Variants in PCDH9 observed in about 807,000 individuals in gnomAD.
PCDH9 encodes protocadherin-9.
A neutral mutation model predicts 70.6 loss-of-function variants in PCDH9; 24 were observed. The observed-to-expected ratio is 0.34, with a 90% confidence interval of 0.25 to 0.48. The LOEUF is 0.48. Among genes scored for constraint, PCDH9 ranks in the 20% least tolerant of loss-of-function variants. The pLI, the probability that PCDH9 is intolerant of heterozygous loss-of-function variation, is 0.99. For synonymous variants in PCDH9, 562 were observed against 558.5 expected (o/e 1.01, Z -0.09); for missense variants, 1,281 against 1,503.6 (o/e 0.85, Z 2.45).
intron 4 of PCDH9, among the ~76,000 whole-genome samples, chr13:66,414,207 T>G (rs1459528774): frequency 1.3e-5 from 2 of 152,242 alleles, no homozygotes; most frequent in African/African-American, 4.8e-5. Context: ...TTGATCAACT[T>G]GCTTTCATGT....
intron 4 of PCDH9, among the ~76,000 whole-genome samples, chr13:66,601,701 C>A (rs905661645): frequency 2.1e-5 from 3 of 145,932 alleles, no homozygotes; most frequent in African/African-American, 7.4e-5. Context: ...TCATGCACTG[C>A]AGAAGACACT....
At chr13:67,094,513 A>G (rs2086281472) in intron 2 of PCDH9, among the ~76,000 whole-genome samples, 1 of 152,180 alleles carries the variant, frequency 6.6e-6, no homozygotes, top group South Asian at 2.1e-4. Flanking sequence ...AGAAACACGT[A>G]TTTGCATCTT....
intron 3 of PCDH9, among the ~76,000 whole-genome samples, chr13:66,683,672 T>C (rs562668810): frequency 6.6e-6 from 1 of 152,162 alleles, no homozygotes; most frequent in African/African-American, 2.4e-5. Context: ...AAATATAGGG[T>C]TTTGTGTGAG....
chr13:66,922,148 T>C (rs1303617903), intron 2 of PCDH9, among the ~76,000 whole-genome samples: 1 of 151,312 alleles, frequency 6.6e-6, no homozygotes, highest in Non-Finnish European at 1.5e-5. Context: ...TAACTGAAAC[T>C]AGTAGTCAAT....
At chr13:66,519,650 C>A (rs1959898720) in intron 4 of PCDH9, among the ~76,000 whole-genome samples, 2 of 152,244 alleles carry the variant, frequency 1.3e-5, no homozygotes, top group South Asian at 4.2e-4. Flanking sequence ...GAGAAACAGA[C>A]AACACACATG....
chr13:67,084,679 A>G (rs1024794781), intron 2 of PCDH9, among the ~76,000 whole-genome samples: 4 of 151,776 alleles, frequency 2.6e-5, no homozygotes, highest in Non-Finnish European at 5.9e-5. Flanking sequence ...GTTCAATAAC[A>G]TATGTTGCCG....
chr13:66,931,793 A>C (rs1439781293), intron 2 of PCDH9, among the ~76,000 whole-genome samples: 4 of 152,120 alleles, frequency 2.6e-5, no homozygotes, highest in African/African-American at 9.7e-5. Context: ...TAATCATTTC[A>C]ATGCTTGTGA....
At chr13:66,509,057 G>T (rs1959334154) in intron 4 of PCDH9, among the ~76,000 whole-genome samples, 1 of 152,100 alleles carries the variant, frequency 6.6e-6, no homozygotes, top group African/African-American at 2.4e-5. Context: ...TACAATATTA[G>T]GTTGTATGTT....
intron 4 of PCDH9, among the ~76,000 whole-genome samples, chr13:66,615,385 G>A (rs2077343000): frequency 6.6e-6 from 1 of 152,098 alleles, no homozygotes; most frequent in African/African-American, 2.4e-5. Flanking sequence ...TGATGTCTGA[G>A]TATATGCTAT....
chr13:66,704,916 C>A (rs1388235496), intron 3 of PCDH9, among the ~76,000 whole-genome samples: 3 of 152,070 alleles, frequency 2.0e-5, no homozygotes, highest in Non-Finnish European at 4.4e-5. Context: ...AAACATATTT[C>A]TAATGCTAAA....
intron 2 of PCDH9, among the ~76,000 whole-genome samples, chr13:67,093,505 C>T (rs1424714678): frequency 6.6e-6 from 1 of 151,930 alleles, no homozygotes; most frequent in Non-Finnish European, 1.5e-5. Context: ...TTAAGATTGT[C>T]AACTATACTC....
At chr13:66,766,715 C>G (rs1269696359) in intron 3 of PCDH9, among the ~76,000 whole-genome samples, 1 of 151,916 alleles carries the variant, frequency 6.6e-6, no homozygotes, top group South Asian at 2.1e-4. Context: ...TACTAACATT[C>G]TAACTTCTGT....
At chr13:66,794,966 GAC>G (rs1212925921) in intron 3 of PCDH9, among the ~76,000 whole-genome samples, 6 of 49,074 alleles carry the variant, frequency 1.2e-4, no homozygotes, top group Non-Finnish European at 2.8e-4. Context: ...AACCCAAACG[GAC>G]ACACACAGGC....
intron 4 of PCDH9, among the ~76,000 whole-genome samples, chr13:66,328,766 C>T (rs1352836601): frequency 2.0e-5 from 3 of 152,012 alleles, no homozygotes; most frequent in Admixed American, 6.6e-5. Context: ...TTTCTCCAGT[C>T]AAGAAGTGAT....
chr13:67,019,383 G>T (rs2084630161), intron 2 of PCDH9, among the ~76,000 whole-genome samples: 1 of 151,546 alleles, frequency 6.6e-6, no homozygotes, highest in African/African-American at 2.4e-5. Context: ...ATTTAGTAGA[G>T]ACGGGGTTTC....
intron 2 of PCDH9, among the ~76,000 whole-genome samples, chr13:66,953,779 T>C (rs992783125): frequency 2.6e-5 from 4 of 152,196 alleles, no homozygotes; most frequent in South Asian, 2.1e-4. Flanking sequence ...GTATATCTAG[T>C]GTATGTATTT....
chr13:66,343,886 G>A (rs976372626), intron 4 of PCDH9, among the ~76,000 whole-genome samples: 2 of 151,958 alleles, frequency 1.3e-5, no homozygotes, highest in Non-Finnish European at 2.9e-5. Context: ...GACTGGAGGG[G>A]GACCAAAAAT....
At chr13:66,657,639 G>C (rs2077950477) in intron 3 of PCDH9, among the ~76,000 whole-genome samples, 1 of 152,220 alleles carries the variant, frequency 6.6e-6, no homozygotes, top group Non-Finnish European at 1.5e-5. Flanking sequence ...AGATCTGAAT[G>C]ATGGGTGTGA....
intron 3 of PCDH9, among the ~76,000 whole-genome samples, chr13:66,824,328 T>A (rs1224089854): frequency 1.9e-5 from 1 of 53,942 alleles, no homozygotes; most frequent in African/African-American, 5.7e-5. Flanking sequence ...TATATATATA[T>A]ATATATATAT....
Sources: allele counts gnomAD v4.1 joint callset (sites outside exome capture counted in the v4.1 genomes callset), GRCh38; gene constraint gnomAD v4.1.1; transcripts MANE v1.5; gene names NCBI Gene and HGNC (gene_info 2026-07-23, HGNC 2026-07-21).